The following KIF18A variants were observed in gnomAD, a reference collection of about 807,000 sequenced individuals.
KIF18A encodes the protein kinesin-like protein KIF18A.
KIF18A carries 67 observed loss-of-function variants against 103.3 expected under a neutral mutation model. The ratio of observed to expected loss-of-function variants is 0.65; its 90% CI spans 0.53 to 0.79. The LOEUF is 0.79. Ranked by LOEUF, KIF18A falls within the 30% of genes least tolerant of loss-of-function variation. KIF18A has a pLI of 0.00. For missense variants in KIF18A, 1,032 were observed against 1,062.5 expected (o/e 0.97, Z 0.40); for synonymous variants, 367 against 355.5 (o/e 1.03, Z -0.36).
At position 28,097,798 on chromosome 11, in the gene KIF18A, T is replaced by G. The variant is rs764626762; in HGVS notation, c.150A>C (p.Glu50Asp). Reference protein sequence around the residue: ...HILVFDPKQEEVSFFHGKKTT... With the variant: ...HILVFDPKQEDVSFFHGKKTT... The stretch of plus-strand genomic sequence containing the variant: ...TTTTCTTTCCATGGAAAAAACTGAC[T>G]TCTTCTTGTTTGGGATCAAAAACTA... Residue 50 changes from glutamate to aspartate, a missense_variant, in exon 2 of 17, where the codon GAA (glutamate) becomes GAC (aspartate). Coordinates refer to ENST00000263181, the MANE Select transcript of KIF18A (RefSeq NM_031217.4). 54 of 1,613,280 alleles carry G rather than the reference T, an allele frequency of 3.3e-5. No individual in the cohort carries two copies. The highest frequency in any genetic ancestry group is 4.5e-5 in the Non-Finnish European group (53 of 1,179,526).
Position 28,077,134 on chromosome 11 carries a change from C to T in KIF18A, c.1298G>A (p.Arg433Gln), listed in dbSNP as rs200731334. ...CAGATATTCTTGTCTAATTTCTTCTCGATTCTGGAACAAGCAGTTCAGGAT... is the reference window on the plus strand; with the variant it reads ...CAGATATTCTTGTCTAATTTCTTCTTGATTCTGGAACAAGCAGTTCAGGAT... The part of the protein sequence containing the change: ...QEILNCLFQN[R>Q]EEIRQEYLKL... Residue 433 changes from arginine (R) to glutamine (Q), a missense_variant, in exon 10 of 17, where the codon CGA becomes CAA. Arg to Gln is a conservative substitution (Grantham distance 43). Transcript: ENST00000263181. 2.7e-5 allele frequency: 42 copies of T among 1,576,886 alleles called. No individual in the cohort carries two copies. The Middle Eastern group carries it at 5.1e-4, about 19-fold the overall frequency.
At chr11:28,043,101 T>C (rs531606954) in intron 13 of KIF18A, among the ~76,000 whole-genome samples, 4 of 151,956 alleles carry the variant, frequency 2.6e-5, no homozygotes, top group African/African-American at 7.2e-5. Context: ...TATAGTAAAA[T>C]GGCAACATCT....
intron 2 of KIF18A, among the ~76,000 whole-genome samples, chr11:28,095,282 A>G (rs1200079730): frequency 6.6e-6 from 1 of 152,170 alleles, no homozygotes; most frequent in Non-Finnish European, 1.5e-5. Context: ...TAATTATTCA[A>G]TACTCTCAGC....
intron 8 of KIF18A, 43 bp downstream of exon 8, chr11:28,083,126 G>T: frequency 6.4e-7 from 1 of 1,554,958 alleles, no homozygotes; most frequent in South Asian, 1.2e-5. Context: ...TTCTATAAAT[G>T]AAGAACTGCG....
chr11:28,023,820 G>A lies in KIF18A; in HGVS notation c.2535C>T (p.Asp845=), dbSNP rs35440657. The change falls in exon 16 of 17, where the codon GAC becomes GAT. Residue 845 remains aspartate (D), a synonymous_variant. Coordinates refer to ENST00000263181, the MANE Select transcript of KIF18A (RefSeq NM_031217.4). The stretch of plus-strand genomic sequence containing the variant: ...CACGTTTGGCAAATCCAGAATTTAC[G>A]TCTGCAGTTAACGAACTGTTTGATG... ...SSTSNSSLTA[D]VNSGFAKRVR... is the part of the protein sequence containing the mutation. The A allele has an allele frequency of 7.1e-3, 11,404 of 1,612,046 alleles. 47 individuals carry two copies. Among genetic ancestry groups the A allele is most frequent in the Non-Finnish European group, 8.4e-3 (9,863 of 1,178,474 alleles).
rs1002461653 is a variant in KIF18A at position 28,094,734 on chromosome 11, C to G, written c.392G>C (p.Gly131Ala). The G allele has an allele frequency of 6.2e-7, 1 of 1,613,562 alleles. No homozygotes were observed. Among genetic ancestry groups the G allele is most frequent in the African/African-American group, 1.3e-5 (1 of 74,906 alleles). Residue 131 changes from glycine to alanine, a missense_variant, in exon 3 of 17, where the codon GGA (glycine) becomes GCA (alanine). Coordinates refer to ENST00000263181, the MANE Select transcript of KIF18A (RefSeq NM_031217.4). ...GTGTAACATTGTTAGATACATCACT[C>G]CAGGTTCATCAGCTGATCCTAGCAT... ...HTMLGSADEPGVMYLTMLHLY... is the reference protein window; with the variant it reads ...HTMLGSADEPAVMYLTMLHLY...
At chr11:28,079,386 G>C (rs117647116) in intron 9 of KIF18A, among the ~76,000 whole-genome samples, 347 of 152,130 alleles carry the variant, frequency 2.3e-3, no homozygotes, top group Middle Eastern at 0.014. Flanking sequence ...TTTCTTTGAT[G>C]AGATGAAAAA....
chr11:28,060,148 A>T (rs911462551), intron 12 of KIF18A, among the ~76,000 whole-genome samples: 1 of 152,176 alleles, frequency 6.6e-6, no homozygotes, highest in Middle Eastern at 3.2e-3. Flanking sequence ...TCATTGAAGA[A>T]ATGTCACAGC....
chr11:28,039,968 G>A (rs1387681227), intron 13 of KIF18A, among the ~76,000 whole-genome samples: 1 of 151,630 alleles, frequency 6.6e-6, no homozygotes, highest in Non-Finnish European at 1.5e-5. Context: ...GAACTACTTA[G>A]GCTGATTAGT....
chr11:28,069,713 A>G (rs1850986374), intron 10 of KIF18A, among the ~76,000 whole-genome samples: 1 of 152,004 alleles, frequency 6.6e-6, no homozygotes, highest in African/African-American at 2.4e-5. Flanking sequence ...TTGGCGTTAA[A>G]GTACAGTCCC....
chr11:28,026,187 A>G (rs1373421841), intron 15 of KIF18A, among the ~76,000 whole-genome samples: 1 of 151,842 alleles, frequency 6.6e-6, no homozygotes, highest in Non-Finnish European at 1.5e-5. Flanking sequence ...AATATACTCA[A>G]TTATTTAAAC....
At chr11:28,056,498 C>G (rs1850782360) in intron 13 of KIF18A, among the ~76,000 whole-genome samples, 1 of 151,448 alleles carries the variant, frequency 6.6e-6, no homozygotes, top group Non-Finnish European at 1.5e-5. Flanking sequence ...AATTGGAGTC[C>G]CAGAAGTAGA....
At chr11:28,091,149 A>ATACATACATACATAC (rs1554974427) in intron 4 of KIF18A, among the ~76,000 whole-genome samples, 9 of 131,902 alleles carry the variant, frequency 6.8e-5, no homozygotes, top group Non-Finnish European at 1.1e-4. Flanking sequence ...TAAATAAATA[A>ATACATACATACATAC]ATACATACAT....
intron 5 of KIF18A, among the ~76,000 whole-genome samples, chr11:28,089,564 C>T (rs903794768): frequency 2.6e-5 from 4 of 152,080 alleles, no homozygotes; most frequent in Non-Finnish European, 4.4e-5. Context: ...TGTTACGCCA[C>T]GACATTATGA....
intron 11 of KIF18A, among the ~76,000 whole-genome samples, chr11:28,067,217 T>C (rs1780112822): frequency 6.6e-6 from 1 of 152,104 alleles, no homozygotes; most frequent in African/African-American, 2.4e-5. Flanking sequence ...AGTTATATTA[T>C]TGCAAAATAT....
rs1244251157 is a variant in KIF18A, at chr11:28,023,844, T to G, written c.2511A>C (p.Thr837=). 2 of 1,600,418 alleles carry G rather than the reference T, an allele frequency of 1.2e-6. No individual in the cohort carries two copies. Among genetic ancestry groups the G allele is most frequent in the Non-Finnish European group, 1.7e-6 (2 of 1,170,358 alleles). The change falls in exon 16 of 17, where the codon ACA becomes ACC. Residue 837 remains threonine, a synonymous_variant. Coordinates refer to ENST00000263181, the MANE Select transcript of KIF18A (RefSeq NM_031217.4). ...CGTCTGCAGTTAACGAACTGTTTGATGTAGAACTTGAGAGGAAAAGTTTTT... is the reference window on the plus strand; with the variant it reads ...CGTCTGCAGTTAACGAACTGTTTGAGGTAGAACTTGAGAGGAAAAGTTTTT... ...AKRKRKLTSS[T]SNSSLTADVN... is the part of the protein sequence containing the mutation.
intron 4 of KIF18A, 134 bp downstream of exon 4, chr11:28,091,275 C>A (rs1439977010): frequency 9.0e-6 from 5 of 552,600 alleles, no homozygotes; most frequent in Non-Finnish European, 1.6e-5. Context: ...TAAAAATATA[C>A]CCTAATCATT....
chr11:28,021,955 T>C (rs1375657660), intron 16 of KIF18A, among the ~76,000 whole-genome samples: 2 of 152,230 alleles, frequency 1.3e-5, no homozygotes, highest in Non-Finnish European at 2.9e-5. Context: ...TAACACTCTC[T>C]GTTATTTCTC....
At chr11:28,057,959 C>T (rs935204821) in intron 13 of KIF18A, among the ~76,000 whole-genome samples, 5 of 152,080 alleles carry the variant, frequency 3.3e-5, no homozygotes, top group African/African-American at 4.8e-5. Context: ...CTAGCATTCA[C>T]GTGAAACCTA....
Sources: allele counts gnomAD v4.1 joint callset (sites outside exome capture counted in the v4.1 genomes callset), GRCh38; gene constraint gnomAD v4.1.1; transcripts MANE v1.5; gene names NCBI Gene and HGNC (gene_info 2026-07-23, HGNC 2026-07-21).